Variants in BIRC6 observed in about 807,000 individuals in gnomAD.
The protein encoded by BIRC6 is baculoviral IAP repeat containing 6, also known as dual E2 ubiquitin-conjugating enzyme/E3 ubiquitin-protein ligase BIRC6.
A neutral mutation model predicts 503.3 loss-of-function variants in BIRC6; 98 were observed. The observed-to-expected ratio is 0.19, with a 90% CI of 0.17 to 0.23. The LOEUF is 0.23. Among genes scored for constraint, BIRC6 ranks in the 10% least tolerant of loss-of-function variants. BIRC6 has a pLI of 1.00. For synonymous variants in BIRC6, 2,240 were observed against 2,078.7 expected (o/e 1.08, Z -2.11); for missense variants, 5,360 against 5,806.0 (o/e 0.92, Z 2.50).
chr2:32,490,274 G>A (rs9941674), intron 43 of BIRC6, 123 bp downstream of exon 43: 10,084 of 842,548 alleles, frequency 0.012, 324 homozygotes, highest in African/African-American at 0.095. Context: ...TTGGCCAGAT[G>A]TGGTGGCTCA....
intron 73 of BIRC6, among the ~76,000 whole-genome samples, chr2:32,617,325 C>T (rs1418190815): frequency 2.6e-5 from 4 of 152,024 alleles, no homozygotes; most frequent in South Asian, 2.1e-4. Flanking sequence ...CACTTGAACC[C>T]GGGAGGCGGA....
At chr2:32,446,166 C>G (rs1267663791) in intron 21 of BIRC6, among the ~76,000 whole-genome samples, 1 of 152,186 alleles carries the variant, frequency 6.6e-6, no homozygotes, top group Non-Finnish European at 1.5e-5. Flanking sequence ...AGAAATTACT[C>G]TTTAACAGTT....
At chr2:32,566,851 C>A (rs1398687925) in intron 65 of BIRC6, among the ~76,000 whole-genome samples, 4 of 152,102 alleles carry the variant, frequency 2.6e-5, no homozygotes, top group Non-Finnish European at 4.4e-5. Context: ...TAACAGTATT[C>A]ATTTATGTGA....
chr2:32,415,044 A>G lies in BIRC6; in HGVS notation c.1753A>G (p.Ser585Gly). Residue 585 changes from serine to glycine, a missense_variant, in exon 10 of 74, where the codon AGT becomes GGT. Physicochemically the swap from Ser to Gly is moderately conservative, Grantham distance 56 (BLOSUM62 0). Around this residue, in one of 16 missense-constraint regions of BIRC6, gnomAD observed 700 missense variants for 739.3 expected, o/e 0.95. Coordinates refer to ENST00000421745, the MANE Select transcript of BIRC6 (RefSeq NM_016252.4). ...YKSPATSPIS[S>G]NSHRSLDGLS... ...ATCTCCTGCTACCTCACCCATTAGT[A>G]GTAATTCTCACAGGTCACTGGATGG... 6.2e-7 allele frequency: 1 copy of G among 1,613,966 alleles called. No individual in the cohort carries two copies. Among genetic ancestry groups the G allele is most frequent in the Non-Finnish European group, 8.5e-7 (1 of 1,179,876 alleles).
At chr2:32,608,784 A>G (rs547521396) in intron 72 of BIRC6, among the ~76,000 whole-genome samples, 3 of 152,214 alleles carry the variant, frequency 2.0e-5, no homozygotes, top group East Asian at 3.9e-4. Context: ...TATATTTCTC[A>G]TTGAACTGTT....
intron 50 of BIRC6, 72 bp downstream of exon 50, chr2:32,505,277 T>G (rs1643467146): frequency 7.6e-7 from 1 of 1,318,422 alleles, no homozygotes; most frequent in Non-Finnish European, 1.1e-6. Flanking sequence ...ATAAAAATGT[T>G]TAGTAAGCGG....
chr2:32,521,375 A>AAAAAAAAAAAAAAAAAAAAAAAAAAAAAC, intron 57 of BIRC6, among the ~76,000 whole-genome samples: 1 of 142,942 alleles, frequency 7.0e-6, no homozygotes, highest in Non-Finnish European at 1.5e-5. Context: ...CAAAAAAAAA[A>AAAAAAAAAAAAAAAAAAAAAAAAAAAAAC]AAAAAAAAAA....
intron 8 of BIRC6, among the ~76,000 whole-genome samples, chr2:32,404,094 A>C (rs2040910245): frequency 6.6e-6 from 1 of 151,466 alleles, no homozygotes; most frequent in Non-Finnish European, 1.5e-5. Context: ...CCTCCTGGCT[A>C]ATTTTTTGTA....
chr2:32,468,704 G>C lies in BIRC6; in HGVS notation c.6048G>C (p.Gln2016His). ...SETSNPEDLI[Q>H]TSSTEQLRTI... ...CATCAAATCCAGAAGATTTAATTCA[G>C]ACATCTTCCACAGAGCAGTTACGTA... Residue 2016 changes from glutamine (Q) to histidine (H), a missense_variant, in exon 29 of 74, where the codon CAG becomes CAC. Around this residue, in one of 16 missense-constraint regions of BIRC6, gnomAD observed 2,299 missense variants for 2,267.2 expected, o/e 1.01. Transcript: ENST00000421745. 1 of 1,613,912 alleles carries C rather than the reference G, an allele frequency of 6.2e-7. No individual in the cohort carries two copies. The highest frequency in any genetic ancestry group is 8.5e-7 in the Non-Finnish European group (1 of 1,179,804).
At chr2:32,534,967 C>G (rs918500556) in intron 61 of BIRC6, among the ~76,000 whole-genome samples, 2 of 151,050 alleles carry the variant, frequency 1.3e-5, no homozygotes, top group Non-Finnish European at 3.0e-5. Context: ...AAACTGTTAA[C>G]TCATGCAGGA....
chr2:32,525,379 G>C, intron 58 of BIRC6, 85 bp from the exon 59 acceptor site: 2 of 1,420,014 alleles, frequency 1.4e-6, no homozygotes, highest in Non-Finnish European at 2.0e-6. Context: ...AGGAATGCAT[G>C]CCTTATTAAA....
intron 46 of BIRC6, among the ~76,000 whole-genome samples, chr2:32,501,268 T>C (rs1478432642): frequency 1.3e-5 from 2 of 152,244 alleles, no homozygotes; most frequent in Non-Finnish European, 2.9e-5. Context: ...TTAAAAAGAA[T>C]AGTTACATGC....
intron 3 of BIRC6, among the ~76,000 whole-genome samples, chr2:32,383,634 T>G (rs1041707030): frequency 6.6e-6 from 1 of 152,066 alleles, no homozygotes; most frequent in Admixed American, 6.6e-5. Context: ...TGGGTTCAAG[T>G]CATTCTCCTG....
At position 32,546,064 on chromosome 2, in the gene BIRC6, G is replaced by A. The variant is rs1043519221; in HGVS notation, c.12810+204G>A. 2.6e-5 allele frequency among the ~76,000 whole-genome samples: 4 copies of A among 152,132 alleles called. No individual in the cohort carries two copies. In the South Asian group the frequency reaches 8.3e-4, roughly 32 times the overall value. ...AAACCAAAAAGAAACCTATCTACTT[G>A]AAAAGCAGAAAAGATTTAAGCGCTT... is the stretch of plus-strand genomic sequence containing the variant. On this transcript the variant is annotated intron_variant, in intron 63 of 73. Transcript: ENST00000421745.
intron 44 of BIRC6, 94 bp downstream of exon 44, chr2:32,491,652 A>T: frequency 7.7e-7 from 1 of 1,293,264 alleles, no homozygotes; most frequent in Non-Finnish European, 1.1e-6. Context: ...CTAAAGTATT[A>T]AATAATAGCC....
At chr2:32,536,310 A>C (rs2057229905) in intron 61 of BIRC6, among the ~76,000 whole-genome samples, 1 of 152,164 alleles carries the variant, frequency 6.6e-6, no homozygotes, top group South Asian at 2.1e-4. Context: ...CTTTAGCTTA[A>C]TTAGATCCCA....
intron 48 of BIRC6, 26 bp downstream of exon 48, chr2:32,502,917 A>G (rs2149484915): frequency 1.3e-6 from 2 of 1,564,076 alleles, no homozygotes; most frequent in Non-Finnish European, 1.7e-6. Flanking sequence ...AATAACTATC[A>G]TTTAAGTGTA....
intron 12 of BIRC6, among the ~76,000 whole-genome samples, chr2:32,432,689 G>T (rs1019555253): frequency 6.6e-6 from 1 of 151,822 alleles, no homozygotes; most frequent in Non-Finnish European, 1.5e-5. Flanking sequence ...GAGCCCAGGC[G>T]GTTGAGGCTG....
intron 58 of BIRC6, 72 bp from the exon 59 acceptor site, chr2:32,525,392 A>G: frequency 6.5e-7 from 1 of 1,537,924 alleles, no homozygotes; most frequent in East Asian, 2.3e-5. Context: ...TTATTAAAAT[A>G]TTTTAGGAAC....
Sources: allele counts gnomAD v4.1 joint callset (sites outside exome capture counted in the v4.1 genomes callset), GRCh38; gene constraint gnomAD v4.1.1; regional missense constraint gnomAD v4.1.1; transcripts MANE v1.5; gene names NCBI Gene and HGNC (gene_info 2026-07-23, HGNC 2026-07-21).